PLPPR4: variants seen among roughly 807,000 people sequenced by gnomAD.
The protein encoded by PLPPR4 is phospholipid phosphatase-related protein type 4.
Under a neutral mutation model 56.6 loss-of-function variants are expected in PLPPR4, and 24 were observed. The ratio of observed to expected loss-of-function variants is 0.42; its 90% CI spans 0.31 to 0.60. The LOEUF is 0.60. PLPPR4 is among the 20% of genes least tolerant of loss of function. The pLI, the probability that PLPPR4 is intolerant of heterozygous loss-of-function variation, is 0.13. For missense variants in PLPPR4, 654 were observed against 885.8 expected (o/e 0.74, Z 3.32); for synonymous variants, 326 against 328.1 (o/e 0.99, Z 0.07).
upstream of PLPPR4, chr1:99,264,355 GA>G (rs1658833077): frequency 5.6e-6 from 6 of 1,076,532 alleles, no homozygotes; most frequent in Admixed American, 3.0e-5. Flanking sequence ...GAAAAACGGG[GA>G]GCAGGAGCCA....
At chr1:99,294,972 A>G (rs1659707799) in intron 2 of PLPPR4, among the ~76,000 whole-genome samples, 1 of 152,184 alleles carries the variant, frequency 6.6e-6, no homozygotes, top group African/African-American at 2.4e-5. Context: ...GAAATGATGA[A>G]TTTGAGGTAG....
chr1:99,264,769 G>A, intron 1 of PLPPR4, 98 bp downstream of exon 1: 4 of 1,348,268 alleles, frequency 3.0e-6, no homozygotes, highest in East Asian at 5.0e-5. Flanking sequence ...AGATCCTGCC[G>A]GGCGCGCGCG....
chr1:99,286,538 A>G (rs573192634), intron 1 of PLPPR4, among the ~76,000 whole-genome samples: 2 of 152,278 alleles, frequency 1.3e-5, no homozygotes, highest in Non-Finnish European at 2.9e-5. Flanking sequence ...GAAAAAAATC[A>G]AGCAAGATGA....
At chr1:99,305,302 C>T (rs1338215352) in intron 6 of PLPPR4, among the ~76,000 whole-genome samples, 1 of 152,116 alleles carries the variant, frequency 6.6e-6, no homozygotes, top group Non-Finnish European at 1.5e-5. Context: ...TAAAATAAAT[C>T]ATTTAAGCCA....
intron 1 of PLPPR4, among the ~76,000 whole-genome samples, chr1:99,265,932 G>A (rs1000892240): frequency 2.6e-5 from 4 of 152,006 alleles, no homozygotes; most frequent in African/African-American, 9.7e-5. Context: ...AACTTTCAGA[G>A]AAATGATGGG....
chr1:99,288,759 G>A (rs1361878791), intron 2 of PLPPR4, among the ~76,000 whole-genome samples: 1 of 151,984 alleles, frequency 6.6e-6, no homozygotes, highest in Non-Finnish European at 1.5e-5. Flanking sequence ...AGCTAGAAGA[G>A]AATAATTTAA....
At chr1:99,287,216 C>G (rs1659487765) in intron 1 of PLPPR4, among the ~76,000 whole-genome samples, 1 of 151,920 alleles carries the variant, frequency 6.6e-6, no homozygotes, top group African/African-American at 2.4e-5. Context: ...AGGACATGAT[C>G]TCATTCCTCT....
chr1:99,291,927 TTAGA>T (rs71772930), intron 2 of PLPPR4, among the ~76,000 whole-genome samples: 6,079 of 151,998 alleles, frequency 0.04, 193 homozygotes, highest in Non-Finnish European at 0.062. Context: ...AAATAAAAGT[TTAGA>T]TAGATAGATA....
chr1:99,278,770 A>G (rs1570910233), intron 1 of PLPPR4, among the ~76,000 whole-genome samples: 1 of 152,312 alleles, frequency 6.6e-6, no homozygotes, highest in Admixed American at 6.5e-5. Context: ...CTGTTACATC[A>G]GTGTGATTGC....
chr1:99,300,151 T>G (rs17120192), intron 4 of PLPPR4, among the ~76,000 whole-genome samples: 2 of 152,026 alleles, frequency 1.3e-5, no homozygotes, highest in Non-Finnish European at 2.9e-5. Context: ...AACTTATCTC[T>G]GTTGAATGGG....
At chr1:99,280,870 C>T (rs145350424) in intron 1 of PLPPR4, among the ~76,000 whole-genome samples, 21 of 152,196 alleles carry the variant, frequency 1.4e-4, no homozygotes, top group African/African-American at 4.1e-4. Context: ...TCAACCAAGA[C>T]AGGCAGATCA....
At chr1:99,286,895 T>C (rs564319286) in intron 1 of PLPPR4, among the ~76,000 whole-genome samples, 23 of 152,348 alleles carry the variant, frequency 1.5e-4, no homozygotes, top group African/African-American at 5.1e-4. Flanking sequence ...TGAAATACTT[T>C]GTTGTTGTTG....
chr1:99,298,948 A>C lies in PLPPR4; in HGVS notation c.395-87A>C, dbSNP rs1378679146. ...GAGAAAATGAACACAATAGATTTTA[A>C]GATCTTAATTCACTAATGTTTAATG... On this transcript the variant is annotated intron_variant, in intron 3 of 6. Coordinates refer to ENST00000370185, the MANE Select transcript of PLPPR4 (RefSeq NM_014839.5). The C allele has an allele frequency of 3.3e-6, 3 of 910,382 alleles. No individual in the cohort carries two copies. In the Admixed American group the frequency reaches 5.5e-5, roughly 17 times the overall value. The allele number at this position is 910,382 out of a possible 1,614,324, so 56.4% of individuals were successfully genotyped here.
chr1:99,275,822 C>G (rs1659170985), intron 1 of PLPPR4, among the ~76,000 whole-genome samples: 1 of 152,098 alleles, frequency 6.6e-6, no homozygotes, highest in Non-Finnish European at 1.5e-5. Flanking sequence ...CCCCAGCCCA[C>G]CAAACTCAGG....
intron 3 of PLPPR4, among the ~76,000 whole-genome samples, chr1:99,298,115 C>G (rs1397575685): frequency 6.6e-6 from 1 of 152,108 alleles, no homozygotes; most frequent in African/African-American, 2.4e-5. Flanking sequence ...AAATGTAAAA[C>G]AGGGTAATGT....
At chr1:99,271,110 T>C (rs1486095739) in intron 1 of PLPPR4, among the ~76,000 whole-genome samples, 1 of 152,182 alleles carries the variant, frequency 6.6e-6, no homozygotes, top group African/African-American at 2.4e-5. Flanking sequence ...AAATAAAAAA[T>C]ACTTGGTTTC....
At chr1:99,266,758 A>C (rs1658909338) in intron 1 of PLPPR4, among the ~76,000 whole-genome samples, 1 of 152,242 alleles carries the variant, frequency 6.6e-6, no homozygotes, top group Admixed American at 6.5e-5. Context: ...TTATCTTCCT[A>C]AAAATTAAAT....
intron 2 of PLPPR4, among the ~76,000 whole-genome samples, chr1:99,292,272 C>T (rs1482474109): frequency 6.6e-6 from 1 of 152,190 alleles, no homozygotes; most frequent in Non-Finnish European, 1.5e-5. Flanking sequence ...GACACTGGTA[C>T]ATGTCCTGGG....
chr1:99,295,568 A>C (rs1659720814), intron 2 of PLPPR4, among the ~76,000 whole-genome samples: 1 of 152,214 alleles, frequency 6.6e-6, no homozygotes, highest in Non-Finnish European at 1.5e-5. Context: ...TACTTTCCTC[A>C]GCTCCACGCA....
Sources: allele counts gnomAD v4.1 joint callset (sites outside exome capture counted in the v4.1 genomes callset), GRCh38; gene constraint gnomAD v4.1.1; transcripts MANE v1.5; gene names NCBI Gene and HGNC (gene_info 2026-07-23, HGNC 2026-07-21).